Variants in OR4D1 observed in about 807,000 individuals in gnomAD.
OR4D1 encodes the protein olfactory receptor 4D1.
In OR4D1, 10 loss-of-function variants were observed where a neutral mutation model predicts 14.2. The observed-to-expected ratio is 0.71, with a 90% confidence interval of 0.44 to 1.20. OR4D1 has a LOEUF of 1.20. Ranked by LOEUF, OR4D1 falls within the 50% of genes most tolerant of loss-of-function variation. The probability of loss-of-function intolerance (pLI) is 0.00; values close to 1 mark genes in which losing one functional copy is unlikely to be tolerated. For synonymous variants in OR4D1, 141 were observed against 147.4 expected (o/e 0.96, Z 0.32); for missense variants, 345 against 376.6 (o/e 0.92, Z 0.70).
rs376796879 is a variant in OR4D1, at chr17:58,155,851, G to C, written c.698G>C (p.Arg233Thr). ...CTGAGGTCCCACTCGGGAAAGGCAA[G>C]GAGGAAGGCAGCTTCCACCTGCACC... Reference protein sequence around the residue: ...VMLRSHSGKARRKAASTCTTH... With the variant: ...VMLRSHSGKATRKAASTCTTH... The change falls in exon 4 of 4, where the codon AGG (arginine) becomes ACG (threonine). Residue 233 changes from arginine to threonine, a missense_variant. Transcript: ENST00000268912. 6.2e-7 allele frequency: 1 copy of C among 1,614,074 alleles called. No individual in the cohort carries two copies. Among genetic ancestry groups the C allele is most frequent in the African/African-American group, 1.3e-5 (1 of 74,918 alleles).
Position 58,158,449 on chromosome 17 carries a change from A to ACCCCCCCCCC in OR4D1, c.*2364_*2373dup, listed in dbSNP as rs141202898. The ACCCCCCCCCC allele has an allele frequency of 1.0e-4, 12 of 114,568 alleles. No homozygotes were observed. The highest frequency in any genetic ancestry group is 3.2e-4 in the South Asian group (1 of 3,166). The allele number at this position is 114,568 out of a possible 1,614,324, so 7.1% of individuals were successfully genotyped here. The stretch of plus-strand genomic sequence containing the variant: ...TTTGTTCCTATCTCTCCCCACGCCC[A>ACCCCCCCCCC]CCCCCCCCCCACACACACATTTTTA... On this transcript the variant is annotated 3_prime_UTR_variant, in exon 4 of 4. Transcript: ENST00000268912.
At chr17:58,151,335 G>A (rs771534563) in intron 2 of OR4D1, among the ~76,000 whole-genome samples, 4 of 152,096 alleles carry the variant, frequency 2.6e-5, no homozygotes, top group Non-Finnish European at 4.4e-5. Context: ...ATGTGCCATG[G>A]TGGTTTGCTG....
rs1967812856 is a variant in OR4D1 at position 58,158,749 on chromosome 17, G to A, written c.*2663G>A. 6.6e-6 allele frequency: 1 copy of A among 152,170 alleles called. No individual in the cohort carries two copies. Among genetic ancestry groups the A allele is most frequent in the Non-Finnish European group, 1.5e-5 (1 of 68,012 alleles). 9.4% of individuals were successfully genotyped at this position (152,170 alleles called of 1,614,324 possible). ...TACAGTAATTTTCTGCTTAAAAAAT[G>A]AGTACCTTGTAACCATTACCTGTAT... is the stretch of plus-strand genomic sequence containing the variant. On this transcript the variant is annotated 3_prime_UTR_variant, in exon 4 of 4. Transcript: ENST00000268912.
chr17:58,151,781 T>C (rs1446812483), intron 2 of OR4D1, among the ~76,000 whole-genome samples: 1 of 152,234 alleles, frequency 6.6e-6, no homozygotes, highest in Non-Finnish European at 1.5e-5. Flanking sequence ...TATCTTATAG[T>C]CATGCATTTA....
intron 1 of OR4D1, 150 bp from the exon 2 acceptor site, chr17:58,149,279 T>A (rs1967669075): frequency 6.6e-6 from 1 of 152,216 alleles, no homozygotes; most frequent in Non-Finnish European, 1.5e-5. Flanking sequence ...TTGCAAAGAT[T>A]CTGATGGGTT....
In OR4D1 at chr17:58,155,318, C is replaced by T; in HGVS notation, c.165C>T (p.Leu55=). The change falls in exon 4 of 4, where the codon CTC becomes CTT. Residue 55 remains leucine (L), a synonymous_variant. Transcript: ENST00000268912. ...TCACAGTGACTTTTGACTGCCGGCTCCACACACCCATGTATTTTCTGCTCC... is the reference window on the plus strand; with the variant it reads ...TCACAGTGACTTTTGACTGCCGGCTTCACACACCCATGTATTTTCTGCTCC... ...IMVTVTFDCR[L]HTPMYFLLRN... 1 of 1,614,112 alleles carries T rather than the reference C, an allele frequency of 6.2e-7. No individual in the cohort carries two copies. Among genetic ancestry groups the T allele is most frequent in the South Asian group, 1.1e-5 (1 of 91,074 alleles).
intron 2 of OR4D1, among the ~76,000 whole-genome samples, 124 bp from the exon 3 acceptor site, chr17:58,153,733 A>G (rs2143659109): frequency 6.6e-6 from 1 of 152,334 alleles, no homozygotes; most frequent in East Asian, 1.9e-4. Context: ...GGAAAGGTAT[A>G]ATCCAAAAGA....
chr17:58,156,010 T>G lies in OR4D1; in HGVS notation c.857T>G (p.Ile286Ser), dbSNP rs769775449. 1.2e-6 allele frequency: 2 copies of G among 1,614,142 alleles called. No individual in the cohort carries two copies. Among genetic ancestry groups the G allele is most frequent in the East Asian group, 2.2e-5 (1 of 44,884 alleles). ...ATGACCCCCATGCTCAACCCCATGA[T>G]CTACACCCTGAGAAACCAGGACATG... ...TVMTPMLNPM[I>S]YTLRNQDMKA... Residue 286 changes from isoleucine (I) to serine (S), a missense_variant, in exon 4 of 4, where the codon ATC (isoleucine) becomes AGC (serine). Physicochemically the swap from Ile to Ser is moderately radical, Grantham distance 142. Transcript: ENST00000268912.
rs368613843 is a variant in OR4D1 at position 58,155,395 on chromosome 17, T to A, written c.242T>A (p.Met81Lys). The change falls in exon 4 of 4, where the codon ATG (methionine) becomes AAG (lysine). Residue 81 changes from methionine to lysine, a missense_variant. Met to Lys is a moderately conservative substitution (Grantham distance 95). Transcript: ENST00000268912. ...LCYSTVTSPK[M>K]LVDFLHETKT... ...TATTCCACAGTCACCTCTCCAAAGATGCTGGTGGACTTCCTCCATGAGACC... is the reference window on the plus strand; with the variant it reads ...TATTCCACAGTCACCTCTCCAAAGAAGCTGGTGGACTTCCTCCATGAGACC... 2 of 1,614,220 alleles carry A rather than the reference T, an allele frequency of 1.2e-6. No individual in the cohort carries two copies.
rs1006931752 is a variant in OR4D1 at position 58,156,676 on chromosome 17, A to G, written c.*590A>G. 5.3e-5 allele frequency: 9 copies of G among 168,892 alleles called. No individual in the cohort carries two copies. The highest frequency in any genetic ancestry group is 1.2e-4 in the Admixed American group (2 of 17,222). 10.5% of individuals were successfully genotyped at this position (168,892 alleles called of 1,614,324 possible). On this transcript the variant is annotated 3_prime_UTR_variant, in exon 4 of 4. Coordinates refer to ENST00000268912, the MANE Select transcript of OR4D1 (RefSeq NM_001386095.1). Reference sequence around the variant, plus strand: ...GTGACTTGCTCAAAGGTGAACAGTAAGTGAGTGGCAGAGCTTGCCCTGGAA... The same window carrying G: ...GTGACTTGCTCAAAGGTGAACAGTAGGTGAGTGGCAGAGCTTGCCCTGGAA...
Position 58,156,253 on chromosome 17 carries a change from TC to T in OR4D1, c.*168del. The T allele has an allele frequency of 6.8e-6, 4 of 591,262 alleles. No homozygotes were observed. The highest frequency in any genetic ancestry group is 2.9e-5 in the East Asian group (1 of 34,800). 36.6% of individuals were successfully genotyped at this position (591,262 alleles called of 1,614,324 possible). A position where few individuals can be genotyped will look rare whatever the true frequency, so the allele number is the denominator to read the frequency against. ...GTGTTAAGCACTTCCACGCTTTTTT[TC>T]TTTTTTTTTTTTTTTAGATGGAGCC... is the stretch of plus-strand genomic sequence containing the variant. On this transcript the variant is annotated 3_prime_UTR_variant, in exon 4 of 4. Coordinates refer to ENST00000268912, the MANE Select transcript of OR4D1 (RefSeq NM_001386095.1).
At position 58,158,449 on chromosome 17, in the gene OR4D1, A is replaced by ACCCCCCCCCCCCCCC. The variant is rs141202898; in HGVS notation, c.*2373_*2374insCCCCCCCCCCCCCCC. The ACCCCCCCCCCCCCCC allele has an allele frequency of 1.7e-5, 2 of 114,570 alleles. No homozygotes were observed. The highest frequency in any genetic ancestry group is 3.6e-5 in the Non-Finnish European group (2 of 55,878). The allele number at this position is 114,570 out of a possible 1,614,324, so 7.1% of individuals were successfully genotyped here. On this transcript the variant is annotated 3_prime_UTR_variant, in exon 4 of 4. Coordinates refer to ENST00000268912, the MANE Select transcript of OR4D1 (RefSeq NM_001386095.1). Reference sequence around the variant, plus strand: ...TTTGTTCCTATCTCTCCCCACGCCCACCCCCCCCCCACACACACATTTTTA... The same window carrying ACCCCCCCCCCCCCCC: ...TTTGTTCCTATCTCTCCCCACGCCCACCCCCCCCCCCCCCCCCCCCCCCCCACACACACATTTTTA...
intron 3 of OR4D1, among the ~76,000 whole-genome samples, 168 bp downstream of exon 3, chr17:58,154,131 A>T (rs943807022): frequency 4.0e-5 from 6 of 149,956 alleles, no homozygotes; most frequent in South Asian, 2.1e-4. Context: ...TAATTTTTAA[A>T]TTTTTTTTAT....
chr17:58,155,170 C>T lies in OR4D1; in HGVS notation c.17C>T (p.Thr6Ile). 6.2e-7 allele frequency: 1 copy of T among 1,613,328 alleles called. No homozygotes were observed. The highest frequency in any genetic ancestry group is 1.1e-5 in the South Asian group (1 of 91,028). The change falls in exon 4 of 4, where the codon ACC becomes ATC. Residue 6 changes from threonine to isoleucine, a missense_variant. Physicochemically the swap from Thr to Ile is moderately conservative, Grantham distance 89. Coordinates refer to ENST00000268912, the MANE Select transcript of OR4D1 (RefSeq NM_001386095.1). MEPQN[T>I]TQVSMFVLLG... Reference sequence around the variant, plus strand: ...GAAGATCCTATGGAACCACAGAACACCACACAGGTATCAATGTTTGTCCTC... The same window carrying T: ...GAAGATCCTATGGAACCACAGAACATCACACAGGTATCAATGTTTGTCCTC...
Position 58,157,883 on chromosome 17 carries a change from G to C in OR4D1, c.*1797G>C. The C allele has an allele frequency of 7.3e-7, 1 of 1,371,748 alleles. No individual in the cohort carries two copies. The highest frequency in any genetic ancestry group is 1.0e-6 in the Non-Finnish European group (1 of 974,538). 85.0% of individuals were successfully genotyped at this position (1,371,748 alleles called of 1,614,324 possible). On this transcript the variant is annotated 3_prime_UTR_variant, in exon 4 of 4. Coordinates refer to ENST00000268912, the MANE Select transcript of OR4D1 (RefSeq NM_001386095.1). ...CTCCCTCTCCAAGAAGGCAGGACCAGCCAATACTCCTGTTCTGCAAACCCT... is the reference window on the plus strand; with the variant it reads ...CTCCCTCTCCAAGAAGGCAGGACCACCCAATACTCCTGTTCTGCAAACCCT...
chr17:58,150,279 A>G (rs918956984), intron 2 of OR4D1, among the ~76,000 whole-genome samples: 1 of 152,216 alleles, frequency 6.6e-6, no homozygotes, highest in Non-Finnish European at 1.5e-5. Context: ...AAATTTTTGA[A>G]AACCTTTTGA....
chr17:58,156,282 G>A lies in OR4D1; in HGVS notation c.*196G>A. The A allele has an allele frequency of 3.8e-6, 2 of 529,294 alleles. No homozygotes were observed. Among genetic ancestry groups the A allele is most frequent in the East Asian group, 3.2e-5 (1 of 31,486 alleles). The allele number at this position is 529,294 out of a possible 1,614,324, so 32.8% of individuals were successfully genotyped here. A position where few individuals can be genotyped will look rare whatever the true frequency, so the allele number is the denominator to read the frequency against. ...TTTTTTTTTTTTTAGATGGAGCCTT[G>A]CTCTGTCACCCAGGCTGGAGTGCAG... is the stretch of plus-strand genomic sequence containing the variant. On this transcript the variant is annotated 3_prime_UTR_variant, in exon 4 of 4. Coordinates refer to ENST00000268912, the MANE Select transcript of OR4D1 (RefSeq NM_001386095.1).
Position 58,155,480 on chromosome 17 carries a change from T to C in OR4D1, c.327T>C (p.Gly109=). 2 of 1,613,932 alleles carry C rather than the reference T, an allele frequency of 1.2e-6. No individual in the cohort carries two copies. Among genetic ancestry groups the C allele is most frequent in the Non-Finnish European group, 1.7e-6 (2 of 1,179,984 alleles). The change falls in exon 4 of 4, where the codon GGT becomes GGC. Residue 109 remains glycine (G), a synonymous_variant. Transcript: ENST00000268912. ...TCTTCTTCTTCCACCTTTTGGGAGG[T>C]GGGACTGTCTTTTTTCTCTCAGTCA... ...AQIFFFHLLG[G]GTVFFLSVMA...
chr17:58,159,418 T>C lies in OR4D1; in HGVS notation c.*3332T>C, dbSNP rs111413358. 4.6e-5 allele frequency: 7 copies of C among 152,468 alleles called. No homozygotes were observed. Among genetic ancestry groups the C allele is most frequent in the African/African-American group, 1.7e-4 (7 of 41,576 alleles). 9.4% of individuals were successfully genotyped at this position (152,468 alleles called of 1,614,324 possible). A position where few individuals can be genotyped will look rare whatever the true frequency, so the allele number is the denominator to read the frequency against. ...ATTAGGCTCGCTAGCCCTTTGGTCT[T>C]CTGCCATATGAGGACACAGCATTCC... On this transcript the variant is annotated 3_prime_UTR_variant, in exon 4 of 4. Transcript: ENST00000268912.
Sources: allele counts gnomAD v4.1 joint callset (sites outside exome capture counted in the v4.1 genomes callset), GRCh38; gene constraint gnomAD v4.1.1; transcripts MANE v1.5; gene names NCBI Gene and HGNC (gene_info 2026-07-23, HGNC 2026-07-21).